The following PAPSS1 variants were observed in gnomAD, a reference collection of about 807,000 sequenced individuals.
PAPSS1 encodes the protein bifunctional 3'-phosphoadenosine 5'-phosphosulfate synthase 1.
Under a neutral mutation model 72.0 loss-of-function variants are expected in PAPSS1, and 50 were observed. The observed-to-expected ratio is 0.69, with a 90% CI of 0.55 to 0.88. PAPSS1 has a LOEUF of 0.88. Ranked by LOEUF, PAPSS1 falls within the 40% of genes least tolerant of loss-of-function variation. The pLI is 0.00. For missense variants in PAPSS1, 657 were observed against 782.2 expected, an observed-to-expected ratio of 0.84 and a Z score of 1.91; for synonymous variants, 261 against 263.6, an observed-to-expected ratio of 0.99 and a Z score of 0.09.
intron 5 of PAPSS1, among the ~76,000 whole-genome samples, chr4:107,669,289 T>G (rs1458720818): frequency 6.6e-6 from 1 of 152,242 alleles, no homozygotes; most frequent in South Asian, 2.1e-4. Context: ...GGTTTCTCCA[T>G]GTGCCCTAAT....
intron 10 of PAPSS1, among the ~76,000 whole-genome samples, chr4:107,633,352 T>C (rs749908009): frequency 2.3e-4 from 35 of 152,162 alleles, no homozygotes; most frequent in Non-Finnish European, 4.6e-4. Flanking sequence ...ACAGTAAATA[T>C]ACAAGAAATA....
At chr4:107,689,630 T>A (rs1163848505) in intron 3 of PAPSS1, among the ~76,000 whole-genome samples, 1 of 152,186 alleles carries the variant, frequency 6.6e-6, no homozygotes, top group Admixed American at 6.5e-5. Context: ...AAGGAAAGTG[T>A]CAATGAGTTT....
rs561508542 is a variant in PAPSS1 at position 107,674,241 on chromosome 4, A to T, written c.669+7774T>A. Among the ~76,000 whole-genome samples, 5 of 152,322 alleles carry T rather than the reference A, an allele frequency of 3.3e-5. No homozygotes were observed. In the South Asian group the frequency reaches 1.0e-3, roughly 32 times the overall value. On this transcript the variant is annotated intron_variant, in intron 5 of 11. Transcript: ENST00000265174. ...CCAATTAAAAGACACAGACTGGCAA[A>T]TTGGATAAAGAGTCAAGACCCATCA...
At chr4:107,711,077 C>CT (rs1723479412) in intron 1 of PAPSS1, among the ~76,000 whole-genome samples, 2 of 152,336 alleles carry the variant, frequency 1.3e-5, no homozygotes, top group South Asian at 4.1e-4. Context: ...GCCCAACCTC[C>CT]TTTGTTACTA....
chr4:107,672,047 C>A (rs887009636), intron 5 of PAPSS1, among the ~76,000 whole-genome samples: 1 of 152,262 alleles, frequency 6.6e-6, no homozygotes, highest in African/African-American at 2.4e-5. Flanking sequence ...AGGAAAAATA[C>A]TAGAACTATA....
intron 4 of PAPSS1, among the ~76,000 whole-genome samples, chr4:107,683,085 C>T (rs573102296): frequency 6.6e-6 from 1 of 152,064 alleles, no homozygotes; most frequent in East Asian, 1.9e-4. Flanking sequence ...TACCCCTGAC[C>T]TTACCCCACA....
At chr4:107,697,234 A>G (rs1209490854) in intron 2 of PAPSS1, among the ~76,000 whole-genome samples, 1 of 152,264 alleles carries the variant, frequency 6.6e-6, no homozygotes, top group East Asian at 1.9e-4. Flanking sequence ...GGCCCAGGCC[A>G]GCATGACAAC....
In PAPSS1 at chr4:107,614,312, A is replaced by ACTTT; in HGVS notation, c.1811_1812insAAAG (p.Phe605LysfsTer25). On this transcript the variant is annotated frameshift_variant, in exon 12 of 12. Transcript: ENST00000265174. LOFTEE classifies it high-confidence loss of function. ...CGGTCCAAGCCTTGGGAGCCATGAA[A>ACTTT]CCTTCAGGTGGTTTCTGGCCTTCTC... 1 of 1,613,930 alleles carries ACTTT rather than the reference A, an allele frequency of 6.2e-7. No individual in the cohort carries two copies. Among genetic ancestry groups the ACTTT allele is most frequent in the Non-Finnish European group, 8.5e-7 (1 of 1,179,864 alleles).
chr4:107,671,616 A>G (rs1727469915), intron 5 of PAPSS1, among the ~76,000 whole-genome samples: 1 of 152,208 alleles, frequency 6.6e-6, no homozygotes, highest in South Asian at 2.1e-4. Context: ...AAAACAAATA[A>G]TAAAACTGTA....
At chr4:107,703,525 GT>G (rs1321443559) in intron 1 of PAPSS1, among the ~76,000 whole-genome samples, 2 of 151,496 alleles carry the variant, frequency 1.3e-5, no homozygotes, top group African/African-American at 2.4e-5. Flanking sequence ...TTCACTTTGA[GT>G]TTTTTTTATA....
intron 2 of PAPSS1, among the ~76,000 whole-genome samples, chr4:107,699,795 GA>G (rs1208850324): frequency 1.3e-5 from 2 of 152,108 alleles, no homozygotes; most frequent in African/African-American, 4.8e-5. Context: ...AAGAAAGTAT[GA>G]ACCAAATATA....
chr4:107,649,104 C>A (rs1212423193), intron 9 of PAPSS1, among the ~76,000 whole-genome samples: 1 of 152,240 alleles, frequency 6.6e-6, no homozygotes, highest in Non-Finnish European at 1.5e-5. Context: ...CCATTCCCCT[C>A]CCCATCTATT....
intron 5 of PAPSS1, among the ~76,000 whole-genome samples, chr4:107,665,889 C>T (rs908072885): frequency 1.6e-4 from 24 of 152,124 alleles, no homozygotes; most frequent in Non-Finnish European, 2.6e-4. Flanking sequence ...TAGCTCTCGC[C>T]TCTCATTTTA....
chr4:107,675,165 A>G (rs4956120), intron 5 of PAPSS1, among the ~76,000 whole-genome samples: 138,597 of 152,094 alleles, frequency 0.91, 63,276 homozygotes, highest in South Asian at 0.97. Flanking sequence ...CTAGCAGAAG[A>G]CAAGAAATAA....
intron 6 of PAPSS1, among the ~76,000 whole-genome samples, chr4:107,659,423 T>C (rs1229938051): frequency 6.6e-6 from 1 of 152,212 alleles, no homozygotes; most frequent in Non-Finnish European, 1.5e-5. Flanking sequence ...TATACATAAA[T>C]GATACAACTT....
intron 9 of PAPSS1, among the ~76,000 whole-genome samples, chr4:107,645,307 C>T (rs1726663402): frequency 6.6e-6 from 1 of 151,426 alleles, no homozygotes. Context: ...AGGATATGTA[C>T]TATAACAATC....
At chr4:107,688,501 T>A (rs908215123) in intron 3 of PAPSS1, among the ~76,000 whole-genome samples, 1 of 152,162 alleles carries the variant, frequency 6.6e-6, no homozygotes, top group Non-Finnish European at 1.5e-5. Context: ...TATAAAAACT[T>A]TCCCTTAACC....
chr4:107,685,472 G>A (rs1560584725), intron 4 of PAPSS1, among the ~76,000 whole-genome samples: 1 of 152,186 alleles, frequency 6.6e-6, no homozygotes, highest in South Asian at 2.1e-4. Flanking sequence ...GCTTTTCTGT[G>A]CCAAATTTCT....
intron 1 of PAPSS1, among the ~76,000 whole-genome samples, chr4:107,714,590 T>A (rs1723588124): frequency 6.6e-6 from 1 of 152,124 alleles, no homozygotes; most frequent in African/African-American, 2.4e-5. Flanking sequence ...CCACAACAAT[T>A]GGATTTTTCA....
Sources: gnomAD v4.1 joint callset for allele counts (sites outside exome capture counted in the v4.1 genomes callset) on GRCh38, gnomAD v4.1.1 for gene constraint, MANE v1.5 for transcripts, NCBI Gene and HGNC (gene_info 2026-07-23, HGNC 2026-07-21) for gene names.